The following MED17 variants were observed in gnomAD, a reference collection of about 807,000 sequenced individuals.
MED17 encodes the protein mediator complex subunit 17.
Under a neutral mutation model 80.8 loss-of-function variants are expected in MED17, and 49 were observed. The observed-to-expected ratio is 0.61, with a 90% confidence interval of 0.48 to 0.77. The LOEUF is 0.77. Ranked by LOEUF, MED17 falls within the 30% of genes least tolerant of loss-of-function variation. The pLI, the probability that MED17 is intolerant of heterozygous loss-of-function variation, is 0.00. For missense variants in MED17, 718 were observed against 787.0 expected (o/e 0.91, Z 1.05); for synonymous variants, 281 against 280.4 (o/e 1.00, Z -0.02).
At chr11:93,807,390 G>A in intron 9 of MED17, 128 bp from the exon 10 acceptor site, 2 of 685,710 alleles carry the variant, frequency 2.9e-6, no homozygotes, top group Admixed American at 2.1e-5. Flanking sequence ...TCCAGCCTGG[G>A]CAACAGGCTT....
intron 3 of MED17, among the ~76,000 whole-genome samples, chr11:93,792,950 A>G (rs1189347597): frequency 2.6e-5 from 4 of 151,728 alleles, no homozygotes; most frequent in African/African-American, 9.7e-5. Flanking sequence ...CTAAAAAGAT[A>G]ATAAAAAATA....
chr11:93,784,348 G>C lies in MED17; in HGVS notation c.-166G>C, dbSNP rs1943744347. The C allele has an allele frequency of 3.3e-6, 3 of 904,796 alleles. No homozygotes were observed. Among genetic ancestry groups the C allele is most frequent in the East Asian group, 2.7e-5 (1 of 36,654 alleles). 56.0% of individuals were successfully genotyped at this position (904,796 alleles called of 1,614,324 possible). A position where few individuals can be genotyped will look rare whatever the true frequency, so the allele number is the denominator to read the frequency against. ...GCGTTCTGGGAAAGTTGCTGGGCCAGCTCCTTTGTTTCCAGTCTGAGCGTT... is the reference window on the plus strand; with the variant it reads ...GCGTTCTGGGAAAGTTGCTGGGCCACCTCCTTTGTTTCCAGTCTGAGCGTT... On this transcript the variant is annotated 5_prime_UTR_variant, in exon 1 of 12. Transcript: ENST00000251871.
chr11:93,791,646 C>CA lies in MED17; in HGVS notation c.637+854dup, dbSNP rs553693876. ...CCTTGAGCCCAGGAGGTCCTGGCTG[C>CA]AGTGAGCCGAGATTGCACCACTGCA... On this transcript the variant is annotated intron_variant, in intron 3 of 11. Transcript: ENST00000251871. 2.2e-4 allele frequency among the ~76,000 whole-genome samples: 33 copies of CA among 152,132 alleles called. No individual in the cohort carries two copies. In the South Asian group the frequency reaches 6.6e-3, roughly 31 times the overall value.
Position 93,788,046 on chromosome 11 carries a change from G to A in MED17, c.296G>A (p.Arg99Lys), listed in dbSNP as rs765086907. 2 of 1,613,922 alleles carry A rather than the reference G, an allele frequency of 1.2e-6. No homozygotes were observed. The highest frequency in any genetic ancestry group is 2.2e-5 in the South Asian group (2 of 91,068). ...QPSLWPWDSV[R>K]NNLRSALTEM... ...TCCCTTTGGCCTTGGGACTCAGTGA[G>A]GAACAATTTGAGAAGTGCCCTGACA... is the stretch of plus-strand genomic sequence containing the variant. Residue 99 changes from arginine to lysine, a missense_variant, in exon 2 of 12, where the codon AGG becomes AAG. Arg to Lys is a conservative substitution (Grantham distance 26). Transcript: ENST00000251871.
rs1222986362 is a variant in MED17, at chr11:93,790,072, TA to T, written c.418-501del. ...ACAAAATACAAGATAATTTTACAGT[TA>T]TACCCATTGCAGTCATTCATTCATT... On this transcript the variant is annotated intron_variant, in intron 2 of 11. Transcript: ENST00000251871. Among the ~76,000 whole-genome samples the T allele has an allele frequency of 4.6e-5, 7 of 152,360 alleles. No individual in the cohort carries two copies. The South Asian group carries it at 6.2e-4, about 14-fold the overall frequency.
chr11:93,807,912 T>TA, intron 10 of MED17: 1 of 446,124 alleles, frequency 2.2e-6, no homozygotes, highest in Non-Finnish European at 4.1e-6. Context: ...GTCATATTTG[T>TA]GAAGGTTTAC....
chr11:93,795,777 T>C lies in MED17; in HGVS notation c.1013-633T>C, dbSNP rs576355992. On this transcript the variant is annotated intron_variant, in intron 6 of 11. Coordinates refer to ENST00000251871, the MANE Select transcript of MED17 (RefSeq NM_004268.5). Reference sequence around the variant, plus strand: ...TACTTCTCATGGGAGCAGGGAAGACTAACTGTCTTTTACGCAGTAAGACTG... The same window carrying C: ...TACTTCTCATGGGAGCAGGGAAGACCAACTGTCTTTTACGCAGTAAGACTG... 575 of 154,410 alleles carry C rather than the reference T, an allele frequency of 3.7e-3. 11 individuals are homozygous for C. The highest frequency in any genetic ancestry group is 0.013 in the African/African-American group (548 of 41,534). The allele number at this position is 154,410 out of a possible 1,614,324, so 9.6% of individuals were successfully genotyped here. A position where few individuals can be genotyped will look rare whatever the true frequency, so the allele number is the denominator to read the frequency against.
At chr11:93,797,824 T>A (rs1406059131) in intron 8 of MED17, 105 bp downstream of exon 8, 11 of 1,050,896 alleles carry the variant, frequency 1.0e-5, no homozygotes, top group Non-Finnish European at 1.6e-5. Flanking sequence ...CTTTTTTATT[T>A]TAGGGAGAGG....
chr11:93,794,838 A>G, intron 5 of MED17, 70 bp from the exon 6 acceptor site: 1 of 1,491,866 alleles, frequency 6.7e-7, no homozygotes, highest in South Asian at 1.1e-5. Context: ...ATATGTATTC[A>G]GATCACCATT....
At position 93,807,510 on chromosome 11, in the gene MED17, C is replaced by G; in HGVS notation, c.1467-8C>G. 1 of 1,474,612 alleles carries G rather than the reference C, an allele frequency of 6.8e-7. No homozygotes were observed. The highest frequency in any genetic ancestry group is 9.5e-7 in the Non-Finnish European group (1 of 1,053,184). 91.3% of individuals were successfully genotyped at this position (1,474,612 alleles called of 1,614,324 possible). On this transcript the variant is annotated splice_region_variant and splice_polypyrimidine_tract_variant and intron_variant, in intron 9 of 11. Coordinates refer to ENST00000251871, the MANE Select transcript of MED17 (RefSeq NM_004268.5). Reference sequence around the variant, plus strand: ...CATCTCTGATTTTTAGTATGTGTGTCTATAAAGGTCCATTCAACTGCAATT... The same window carrying G: ...CATCTCTGATTTTTAGTATGTGTGTGTATAAAGGTCCATTCAACTGCAATT...
Position 93,794,938 on chromosome 11 carries a change from C to G in MED17, c.890C>G (p.Ala297Gly), listed in dbSNP as rs143018025. Reference sequence around the variant, plus strand: ...CCACATTGGCAGACAAAATTAGAAGCGGCACAGAATGTTCTCTTATGTAAA... The same window carrying G: ...CCACATTGGCAGACAAAATTAGAAGGGGCACAGAATGTTCTCTTATGTAAA... Reference protein sequence around the residue: ...GSPHWQTKLEAAQNVLLCKEI... With the variant: ...GSPHWQTKLEGAQNVLLCKEI... The change falls in exon 6 of 12, where the codon GCG (alanine) becomes GGG (glycine). Residue 297 changes from alanine (A) to glycine (G), a missense_variant. Physicochemically the swap from Ala to Gly is moderately conservative, Grantham distance 60. Transcript: ENST00000251871. 1.9e-6 allele frequency: 3 copies of G among 1,614,078 alleles called. No individual in the cohort carries two copies. In the Admixed American group the frequency reaches 5.0e-5, roughly 27 times the overall value.
intron 9 of MED17, among the ~76,000 whole-genome samples, chr11:93,802,696 A>G (rs1469188450): frequency 2.0e-5 from 3 of 152,168 alleles, no homozygotes; most frequent in African/African-American, 7.2e-5. Flanking sequence ...TATGCCTAAA[A>G]TAACCCAAGT....
Position 93,788,080 on chromosome 11 carries a change from T to C in MED17, c.330T>C (p.Cys110=), listed in dbSNP as rs1012490915. ...TGAGAAGTGCCCTGACAGAGATGTG[T>C]GTTCTCTATGATGTTCTCAGTATTG... ...NNLRSALTEM[C]VLYDVLSIVR... The change falls in exon 2 of 12, where the codon TGT becomes TGC. Residue 110 remains cysteine (C), a synonymous_variant. Transcript: ENST00000251871. 4 of 1,613,336 alleles carry C rather than the reference T, an allele frequency of 2.5e-6. No individual in the cohort carries two copies. The African/African-American group carries it at 5.3e-5, about 22-fold the overall frequency.
intron 1 of MED17, 116 bp from the exon 2 acceptor site, chr11:93,787,885 A>G (rs1943786404): frequency 1.1e-6 from 1 of 917,386 alleles, no homozygotes; most frequent in Non-Finnish European, 1.7e-6. Context: ...TAAGAGAACA[A>G]TTTGAAATTT....
At chr11:93,784,979 G>T in intron 1 of MED17, 1 of 662,466 alleles carries the variant, frequency 1.5e-6, no homozygotes, top group South Asian at 1.9e-5. Flanking sequence ...TCCTTGAATG[G>T]CAGCGTTTAG....
intron 8 of MED17, among the ~76,000 whole-genome samples, chr11:93,798,794 A>G (rs763144259): frequency 6.6e-6 from 1 of 152,238 alleles, no homozygotes; most frequent in Non-Finnish European, 1.5e-5. Context: ...GTAATAAAGC[A>G]TTATATGATA....
rs1944091801 is a variant in MED17 at position 93,812,193 on chromosome 11, G to A, written c.*129G>A. ...TTTTTAAAAATAATAATTAGGAAATGTTTATTTAGCACTTTCAAACTTTTC... is the reference window on the plus strand; with the variant it reads ...TTTTTAAAAATAATAATTAGGAAATATTTATTTAGCACTTTCAAACTTTTC... On this transcript the variant is annotated 3_prime_UTR_variant, in exon 12 of 12. Transcript: ENST00000251871. 2 of 821,494 alleles carry A rather than the reference G, an allele frequency of 2.4e-6. No homozygotes were observed. Among genetic ancestry groups the A allele is most frequent in the Non-Finnish European group, 4.0e-6 (2 of 504,058 alleles). 50.9% of individuals were successfully genotyped at this position (821,494 alleles called of 1,614,324 possible).
chr11:93,807,872 T>G, intron 10 of MED17: 5 of 523,574 alleles, frequency 9.5e-6, no homozygotes, highest in Non-Finnish European at 1.7e-5. Context: ...AAGGACCAGT[T>G]CTGAGACTAG....
chr11:93,806,866 T>G (rs1281697459), intron 9 of MED17: 5 of 152,160 alleles, frequency 3.3e-5, no homozygotes, highest in African/African-American at 9.7e-5. Context: ...GCCTATGGAG[T>G]TGTTACAGAA....
Sources: allele counts gnomAD v4.1 joint callset (sites outside exome capture counted in the v4.1 genomes callset), GRCh38; gene constraint gnomAD v4.1.1; transcripts MANE v1.5; gene names NCBI Gene and HGNC (gene_info 2026-07-23, HGNC 2026-07-21).